The following MACROD2 variants were observed in gnomAD, a reference collection of about 807,000 sequenced individuals.
The protein encoded by MACROD2 is mono-ADP ribosylhydrolase 2.
MACROD2 carries 36 observed loss-of-function variants against 70.4 expected under a neutral mutation model. The ratio of observed to expected loss-of-function variants is 0.51; its 90% CI spans 0.39 to 0.68. MACROD2 has a LOEUF of 0.68. MACROD2 is among the 30% of genes least tolerant of loss of function. The pLI is 0.00. For missense variants in MACROD2, 496 were observed against 538.4 expected, an observed-to-expected ratio of 0.92 and a Z score of 0.78; for synonymous variants, 172 against 178.8, an observed-to-expected ratio of 0.96 and a Z score of 0.30.
chr20:15,283,796 T>C (rs2077467872), intron 6 of MACROD2, among the ~76,000 whole-genome samples: 1 of 152,130 alleles, frequency 6.6e-6, no homozygotes. Flanking sequence ...ACCCAGTGAG[T>C]TCTCTTCCAA....
intron 9 of MACROD2, among the ~76,000 whole-genome samples, chr20:15,869,232 TATATATAG>T (rs1344547901): frequency 0.013 from 443 of 33,074 alleles, 9 homozygotes; most frequent in Middle Eastern, 0.12. Flanking sequence ...TATATATATA[TATATATAG>T]AGAGAGAGAG....
intron 3 of MACROD2, among the ~76,000 whole-genome samples, chr20:14,210,266 C>A (rs922388273): frequency 6.6e-6 from 1 of 152,134 alleles, no homozygotes; most frequent in Admixed American, 6.5e-5. Context: ...TGAGTAAGTA[C>A]TTAAGTGAAT....
rs1424281020 is a variant in MACROD2 at position 15,018,559 on chromosome 20, T to A, written c.419-211381T>A. 9.5e-4 allele frequency among the ~76,000 whole-genome samples: 145 copies of A among 152,100 alleles called. 1 individual carries two copies. Among genetic ancestry groups the A allele is most frequent in the Non-Finnish European group, 8.8e-5 (6 of 68,012 alleles). ...CTGTACGGGTACCAATTTACTGGAT[T>A]AGTCAGGATTCTCTTAGAGGGACAG... is the stretch of plus-strand genomic sequence containing the variant. On this transcript the variant is annotated intron_variant, in intron 5 of 17. Coordinates refer to ENST00000684519, the MANE Select transcript of MACROD2 (RefSeq NM_001351661.2).
intron 8 of MACROD2, among the ~76,000 whole-genome samples, chr20:15,627,481 AG>A (rs1411379405): frequency 1.3e-5 from 2 of 152,190 alleles, no homozygotes; most frequent in African/African-American, 4.8e-5. Flanking sequence ...CTTGTAGGTT[AG>A]GGGTTTTTCA....
chr20:14,944,943 T>C (rs184778), intron 5 of MACROD2, among the ~76,000 whole-genome samples: 12,891 of 152,134 alleles, frequency 0.085, 715 homozygotes, highest in African/African-American at 0.16. Flanking sequence ...AAACGCCAAT[T>C]CCTGCATTCA....
intron 6 of MACROD2, among the ~76,000 whole-genome samples, chr20:15,315,952 T>C (rs922317023): frequency 4.6e-5 from 7 of 151,978 alleles, no homozygotes; most frequent in African/African-American, 1.7e-4. Context: ...ATTTGGACAC[T>C]CTTTTTATCT....
At chr20:14,618,367 A>G (rs1293624094) in intron 4 of MACROD2, among the ~76,000 whole-genome samples, 1 of 152,140 alleles carries the variant, frequency 6.6e-6, no homozygotes, top group East Asian at 1.9e-4. Flanking sequence ...GCCTATGTTC[A>G]AATTTCTGCA....
At chr20:16,005,501 CG>C (rs1402314093) in intron 15 of MACROD2, among the ~76,000 whole-genome samples, 6 of 152,124 alleles carry the variant, frequency 3.9e-5, no homozygotes, top group African/African-American at 1.4e-4. Flanking sequence ...TCAGAGAGAG[CG>C]TACTTCACCA....
chr20:15,299,931 C>T (rs1041938199), intron 6 of MACROD2, among the ~76,000 whole-genome samples: 5 of 152,144 alleles, frequency 3.3e-5, no homozygotes, highest in Non-Finnish European at 2.9e-5. Context: ...AGAGAGGAAG[C>T]TTTGAGTAGA....
At chr20:14,887,462 G>A (rs1485538159) in intron 5 of MACROD2, among the ~76,000 whole-genome samples, 5 of 150,436 alleles carry the variant, frequency 3.3e-5, no homozygotes, top group East Asian at 3.9e-4. Flanking sequence ...GCATGATGTC[G>A]GCTCAGTGCA....
At chr20:14,535,492 T>G (rs2085352657) in intron 4 of MACROD2, among the ~76,000 whole-genome samples, 1 of 94,618 alleles carries the variant, frequency 1.1e-5, no homozygotes, top group Admixed American at 1.6e-4. Flanking sequence ...GCAACAAGAG[T>G]GAAACTCCGT....
chr20:15,707,081 G>T (rs1225004573), intron 8 of MACROD2, among the ~76,000 whole-genome samples: 2 of 152,156 alleles, frequency 1.3e-5, no homozygotes, highest in East Asian at 3.8e-4. Context: ...TAGATAGTAA[G>T]TTACACAGTA....
At chr20:15,378,182 C>CGTA (rs2045590088) in intron 6 of MACROD2, among the ~76,000 whole-genome samples, 1 of 148,672 alleles carries the variant, frequency 6.7e-6, no homozygotes, top group African/African-American at 2.5e-5. Context: ...GAAAGGAACC[C>CGTA]AAAGTCCTAG....
At chr20:14,148,109 G>A (rs2054966291) in intron 3 of MACROD2, among the ~76,000 whole-genome samples, 1 of 152,158 alleles carries the variant, frequency 6.6e-6, no homozygotes. Context: ...ATAGTAGAAG[G>A]ATAATTGAAT....
At chr20:14,023,231 C>G (rs1002380638) in intron 2 of MACROD2, among the ~76,000 whole-genome samples, 33 of 152,082 alleles carry the variant, frequency 2.2e-4, no homozygotes, top group African/African-American at 5.6e-4. Context: ...TCATATCCTT[C>G]GCCCTTTTTG....
intron 9 of MACROD2, among the ~76,000 whole-genome samples, chr20:15,866,793 A>G (rs1474109539): frequency 6.6e-6 from 1 of 152,206 alleles, no homozygotes; most frequent in Non-Finnish European, 1.5e-5. Flanking sequence ...TAGTACTTTT[A>G]TCATTCATCT....
intron 8 of MACROD2, among the ~76,000 whole-genome samples, chr20:15,611,541 A>C (rs916962708): frequency 1.3e-5 from 2 of 152,030 alleles, no homozygotes; most frequent in African/African-American, 4.8e-5. Context: ...GTTGGTGTGC[A>C]TGAAGGACCC....
At chr20:14,732,470 A>AG (rs1054569399) in intron 5 of MACROD2, among the ~76,000 whole-genome samples, 1 of 152,158 alleles carries the variant, frequency 6.6e-6, no homozygotes, top group African/African-American at 2.4e-5. Flanking sequence ...AGATTTATGA[A>AG]GGGGGAAAAA....
At chr20:15,915,368 T>A (rs909261455) in intron 10 of MACROD2, among the ~76,000 whole-genome samples, 1 of 152,054 alleles carries the variant, frequency 6.6e-6, no homozygotes, top group Non-Finnish European at 1.5e-5. Context: ...CAAAAGATGC[T>A]CTTATCACTC....
Sources: gnomAD v4.1 joint callset for allele counts (sites outside exome capture counted in the v4.1 genomes callset) on GRCh38, gnomAD v4.1.1 for gene constraint, MANE v1.5 for transcripts, NCBI Gene and HGNC (gene_info 2026-07-23, HGNC 2026-07-21) for gene names.